The following HEG1 variants were observed in gnomAD, a reference collection of about 807,000 sequenced individuals.
HEG1 encodes the protein protein HEG homolog 1.
HEG1 carries 56 observed loss-of-function variants against 125.6 expected under a neutral mutation model. The ratio of observed to expected loss-of-function variants is 0.45; its 90% confidence interval spans 0.36 to 0.56. HEG1 has a LOEUF of 0.56. HEG1 is among the 20% of genes least tolerant of loss of function. HEG1 has a pLI of 0.00. For missense variants in HEG1, 1,523 were observed against 1,670.0 expected (o/e 0.91, Z 1.53); for synonymous variants, 644 against 668.5 (o/e 0.96, Z 0.57).
intron 9 of HEG1, among the ~76,000 whole-genome samples, chr3:125,002,883 G>A (rs907002024): frequency 2.0e-5 from 3 of 152,116 alleles, no homozygotes; most frequent in African/African-American, 4.8e-5. Flanking sequence ...CCTTGGAGAC[G>A]GCAGAAAATC....
intron 7 of HEG1, 116 bp downstream of exon 7, chr3:125,010,323 A>G (rs1937138459): frequency 1.6e-6 from 1 of 622,814 alleles, no homozygotes; most frequent in East Asian, 2.8e-5. Flanking sequence ...CTCTCAAGTA[A>G]GCAGGGTATT....
chr3:124,975,108 G>C (rs1385978191), intron 15 of HEG1, among the ~76,000 whole-genome samples: 1 of 152,148 alleles, frequency 6.6e-6, no homozygotes, highest in East Asian at 1.9e-4. Context: ...GTTTATCTTT[G>C]ATGATTTGAT....
chr3:125,012,666 C>A lies in HEG1; in HGVS notation c.2913G>T (p.Gln971His), dbSNP rs1314756656. The A allele has an allele frequency of 1.2e-6, 2 of 1,613,658 alleles. No homozygotes were observed. The highest frequency in any genetic ancestry group is 1.1e-5 in the South Asian group (1 of 90,970). ...LAPKSATFAVQSSTQSPTTVS... is the reference protein window; with the variant it reads ...LAPKSATFAVHSSTQSPTTVS... Reference sequence around the variant, plus strand: ...CTGTTGTTGGTGACTGTGTGCTGCTCTGAACAGCAAAGGTGGCAGATTTGG... The same window carrying A: ...CTGTTGTTGGTGACTGTGTGCTGCTATGAACAGCAAAGGTGGCAGATTTGG... The change falls in exon 6 of 17, where the codon CAG becomes CAT. Residue 971 changes from glutamine to histidine, a missense_variant. Coordinates refer to ENST00000311127, the MANE Select transcript of HEG1 (RefSeq NM_020733.2).
At chr3:124,983,598 G>C (rs921787997) in intron 14 of HEG1, among the ~76,000 whole-genome samples, 2 of 151,668 alleles carry the variant, frequency 1.3e-5, no homozygotes, top group Non-Finnish European at 2.9e-5. Flanking sequence ...GCCTCCTAAA[G>C]TGCTGGGATT....
intron 14 of HEG1, among the ~76,000 whole-genome samples, chr3:124,978,536 G>A (rs955585644): frequency 2.0e-5 from 3 of 152,000 alleles, no homozygotes; most frequent in East Asian, 1.9e-4. Flanking sequence ...ACCAACCCAC[G>A]GTAGAAAGAG....
At position 125,039,507 on chromosome 3, in the gene HEG1, G is replaced by A. The variant is rs568157495; in HGVS notation, c.317-10019C>T. On this transcript the variant is annotated intron_variant, in intron 1 of 16. Coordinates refer to ENST00000311127, the MANE Select transcript of HEG1 (RefSeq NM_020733.2). ...CCCCGCAGCGGGCCAAATGACAAGC[G>A]CTGCCAGCTACAAGCTTCTGGGGCA... Among the ~76,000 whole-genome samples, 8 of 152,142 alleles carry A rather than the reference G, an allele frequency of 5.3e-5. No homozygotes were observed. In the South Asian group the frequency reaches 1.2e-3, roughly 24 times the overall value.
intron 3 of HEG1, among the ~76,000 whole-genome samples, chr3:125,026,466 G>T (rs1369143156): frequency 6.6e-6 from 1 of 152,122 alleles, no homozygotes. Context: ...ATAGTAATTG[G>T]AACAGCAGAG....
chr3:124,976,268 C>A (rs567313800), intron 15 of HEG1, among the ~76,000 whole-genome samples: 24 of 152,228 alleles, frequency 1.6e-4, no homozygotes, highest in Admixed American at 1.2e-3. Flanking sequence ...GGTCACTGCA[C>A]CTCTGCCTCC....
At chr3:125,017,986 G>A (rs1157142931) in intron 5 of HEG1, among the ~76,000 whole-genome samples, 1 of 151,694 alleles carries the variant, frequency 6.6e-6, no homozygotes, top group East Asian at 1.9e-4. Flanking sequence ...CCGGGATGGT[G>A]CCACTGCACT....
intron 5 of HEG1, among the ~76,000 whole-genome samples, chr3:125,016,197 G>C (rs533187472): frequency 1.3e-5 from 2 of 152,344 alleles, no homozygotes; most frequent in East Asian, 3.9e-4. Context: ...ACAAAGTAGA[G>C]AGAGAGTCAG....
Position 125,055,871 on chromosome 3 carries a change from G to A in HEG1, c.20C>T (p.Ser7Leu). The A allele has an allele frequency of 1.0e-6, 1 of 982,796 alleles. No homozygotes were observed. Among genetic ancestry groups the A allele is most frequent in the Non-Finnish European group, 1.2e-6 (1 of 829,290 alleles). The allele number at this position is 982,796 out of a possible 1,614,324, so 60.9% of individuals were successfully genotyped here. Residue 7 changes from serine (S) to leucine (L), a missense_variant, in exon 1 of 17, where the codon TCG becomes TTG. Coordinates refer to ENST00000311127, the MANE Select transcript of HEG1 (RefSeq NM_020733.2). ...CAGCAGGAGCGGCGGCGGCCACCGC[G>A]AGGCGCGCGGCGAGGCCATGGTGAC... is the stretch of plus-strand genomic sequence containing the variant. MASPRASRWPPPLLLLL... is the reference protein window; with the variant it reads MASPRALRWPPPLLLLL...
chr3:125,007,056 G>A (rs1421612023), intron 8 of HEG1, among the ~76,000 whole-genome samples: 5 of 151,566 alleles, frequency 3.3e-5, no homozygotes, highest in East Asian at 1.9e-4. Context: ...AAAATTAGCC[G>A]GGCGTAGTGG....
chr3:125,014,686 TAA>T, intron 5 of HEG1: 8 of 1,233,560 alleles, frequency 6.5e-6, no homozygotes, highest in Non-Finnish European at 7.3e-6. Context: ...AGGGATGTGT[TAA>T]AAGAGACTGT....
At chr3:125,005,173 GAC>G in intron 9 of HEG1, 90 bp downstream of exon 9, 1 of 733,032 alleles carries the variant, frequency 1.4e-6, no homozygotes, top group Non-Finnish European at 2.3e-6. Context: ...GAGCCCAGGA[GAC>G]ACAGCTGACC....
At chr3:124,986,144 T>C (rs1936734722) in intron 14 of HEG1, among the ~76,000 whole-genome samples, 1 of 152,088 alleles carries the variant, frequency 6.6e-6, no homozygotes, top group South Asian at 2.1e-4. Context: ...CACAGAAACT[T>C]TTGAGGGGTG....
intron 15 of HEG1, among the ~76,000 whole-genome samples, chr3:124,977,596 A>G (rs1936569606): frequency 6.6e-6 from 1 of 152,146 alleles, no homozygotes; most frequent in African/African-American, 2.4e-5. Flanking sequence ...GATGAAGCCC[A>G]GTTTATTTCT....
chr3:124,989,179 A>G (rs1485145436), intron 14 of HEG1, among the ~76,000 whole-genome samples: 1 of 152,244 alleles, frequency 6.6e-6, no homozygotes, highest in African/African-American at 2.4e-5. Context: ...TCAGTTTTAT[A>G]TTCAGCATTG....
chr3:124,990,975 C>T lies in HEG1; in HGVS notation c.3664G>A (p.Gly1222Arg). ...CAGGTTTCATTTTCAAGCCTATATC[C>T]ATCTTCACATGCTGAAAGACAAAAG... Reference protein sequence around the residue: ...MDHSCRACEDGYRLENETCMS... With the variant: ...MDHSCRACEDRYRLENETCMS... The change falls in exon 13 of 17, where the codon GGA becomes AGA. Residue 1222 changes from glycine (G) to arginine (R), a missense_variant. By Grantham distance (125) the Gly-to-Arg change is moderately radical (BLOSUM62 -2). Transcript: ENST00000311127. 1 of 1,557,882 alleles carries T rather than the reference C, an allele frequency of 6.4e-7. No homozygotes were observed. Among genetic ancestry groups the T allele is most frequent in the South Asian group, 1.2e-5 (1 of 84,562 alleles).
At chr3:124,986,803 C>T (rs961984218) in intron 14 of HEG1, among the ~76,000 whole-genome samples, 2 of 152,118 alleles carry the variant, frequency 1.3e-5, no homozygotes, top group African/African-American at 4.8e-5. Flanking sequence ...CAGAACCCCA[C>T]AAAAATAATG....
Sources: allele counts gnomAD v4.1 joint callset (sites outside exome capture counted in the v4.1 genomes callset), GRCh38; gene constraint gnomAD v4.1.1; transcripts MANE v1.5; gene names NCBI Gene and HGNC (gene_info 2026-07-23, HGNC 2026-07-21).